SYT1: variants seen among roughly 807,000 people sequenced by gnomAD.
The protein encoded by SYT1 is synaptotagmin 1.
A neutral mutation model predicts 44.8 loss-of-function variants in SYT1; 8 were observed. The ratio of observed to expected loss-of-function variants is 0.18; its 90% CI spans 0.10 to 0.32. The LOEUF is 0.32. Ranked by LOEUF, SYT1 falls within the 10% of genes least tolerant of loss-of-function variation. SYT1 has a pLI of 1.00. For synonymous variants in SYT1, 154 were observed against 188.8 expected (o/e 0.82, Z 1.51); for missense variants, 286 against 509.3 (o/e 0.56, Z 4.22).
intron 3 of SYT1, among the ~76,000 whole-genome samples, chr12:79,183,036 A>C (rs76251455): frequency 0.013 from 1,942 of 152,212 alleles, 32 homozygotes; most frequent in Middle Eastern, 0.044. Context: ...GAATTTAAGA[A>C]ATATTTCATC....
chr12:79,008,217 G>A (rs999843608), intron 2 of SYT1, among the ~76,000 whole-genome samples: 1 of 151,982 alleles, frequency 6.6e-6, no homozygotes, highest in Non-Finnish European at 1.5e-5. Context: ...ATATCTGAAG[G>A]AAGAGGGCTC....
chr12:79,039,253 CAACT>C (rs1873350332), intron 2 of SYT1, among the ~76,000 whole-genome samples: 1 of 151,946 alleles, frequency 6.6e-6, no homozygotes, highest in African/African-American at 2.4e-5. Flanking sequence ...TCAGCTTTAC[CAACT>C]ATGAATGTAT....
At chr12:79,207,410 A>T (rs1019917885) in intron 3 of SYT1, among the ~76,000 whole-genome samples, 5 of 152,208 alleles carry the variant, frequency 3.3e-5, no homozygotes, top group Admixed American at 3.3e-4. Flanking sequence ...TGTACAGGAC[A>T]TGCAGCTTTG....
At chr12:78,866,809 A>G (rs181370871) in intron 1 of SYT1, among the ~76,000 whole-genome samples, 61 of 152,258 alleles carry the variant, frequency 4.0e-4, no homozygotes, top group Non-Finnish European at 7.8e-4. Context: ...GATATAAGAA[A>G]AGAGAATCTT....
intron 3 of SYT1, among the ~76,000 whole-genome samples, chr12:79,085,319 A>C (rs1187558580): frequency 6.6e-6 from 1 of 152,166 alleles, no homozygotes; most frequent in African/African-American, 2.4e-5. Flanking sequence ...GTCTGTGCTC[A>C]AACAGTTTCA....
At chr12:79,115,963 C>T (rs368152362) in intron 3 of SYT1, among the ~76,000 whole-genome samples, 1 of 152,150 alleles carries the variant, frequency 6.6e-6, no homozygotes, top group Non-Finnish European at 1.5e-5. Context: ...CTATAATGAG[C>T]AAACAGAGTA....
At chr12:79,097,538 T>C (rs1242000075) in intron 3 of SYT1, among the ~76,000 whole-genome samples, 2 of 151,962 alleles carry the variant, frequency 1.3e-5, no homozygotes, top group Non-Finnish European at 2.9e-5. Flanking sequence ...GTTTCCCTTT[T>C]CTTATGACTC....
intron 8 of SYT1, among the ~76,000 whole-genome samples, chr12:79,331,987 T>C (rs1486271784): frequency 6.6e-6 from 1 of 152,142 alleles, no homozygotes; most frequent in Admixed American, 6.5e-5. Flanking sequence ...CCATCACAAA[T>C]AAGGAGGAAA....
intron 9 of SYT1, among the ~76,000 whole-genome samples, chr12:79,429,036 T>G (rs1219887275): frequency 6.6e-6 from 1 of 152,044 alleles, no homozygotes; most frequent in Non-Finnish European, 1.5e-5. Context: ...GAGCAAGAAC[T>G]CACTCATTAC....
At chr12:79,367,120 T>G (rs1883582847) in intron 9 of SYT1, among the ~76,000 whole-genome samples, 1 of 152,188 alleles carries the variant, frequency 6.6e-6, no homozygotes, top group Admixed American at 6.5e-5. Flanking sequence ...ATCTTCAGTT[T>G]GTTAAGCTAT....
chr12:79,340,873 A>G (rs1882340415), intron 8 of SYT1, among the ~76,000 whole-genome samples: 1 of 152,190 alleles, frequency 6.6e-6, no homozygotes, highest in Non-Finnish European at 1.5e-5. Flanking sequence ...TTTGGAATTC[A>G]CTTTTCCCTA....
intron 4 of SYT1, 105 bp from the exon 5 acceptor site, chr12:79,285,669 GCATAACAGGTGCT>G (rs1879273243): frequency 1.4e-6 from 1 of 692,614 alleles, no homozygotes; most frequent in African/African-American, 1.8e-5. Flanking sequence ...TGTACCTGCA[GCATAACAGGTGCT>G]CAAAAATGCA....
chr12:78,985,842 C>T (rs1490808970), intron 2 of SYT1, among the ~76,000 whole-genome samples: 1 of 151,932 alleles, frequency 6.6e-6, no homozygotes, highest in South Asian at 2.1e-4. Context: ...GAAGCAATTT[C>T]AAACGGTATT....
chr12:79,367,838 G>A lies in SYT1; in HGVS notation c.928+14219G>A, dbSNP rs1220920513. On this transcript the variant is annotated intron_variant, in intron 9 of 10. Transcript: ENST00000261205. Reference sequence around the variant, plus strand: ...AGTTAAAACATATACTAAGAACCTAGGTAAGAAATGTGAAAAAAAAATATT... The same window carrying A: ...AGTTAAAACATATACTAAGAACCTAAGTAAGAAATGTGAAAAAAAAATATT... 2.0e-5 allele frequency among the ~76,000 whole-genome samples: 3 copies of A among 151,570 alleles called. No homozygotes were observed. The East Asian group carries it at 5.8e-4, about 29-fold the overall frequency.
At chr12:78,909,593 T>G (rs1465636757) in intron 1 of SYT1, among the ~76,000 whole-genome samples, 2 of 151,950 alleles carry the variant, frequency 1.3e-5, no homozygotes, top group East Asian at 3.9e-4. Flanking sequence ...TGGTTAAATT[T>G]TGGTCCTCTT....
intron 4 of SYT1, among the ~76,000 whole-genome samples, chr12:79,281,634 A>T (rs1879058426): frequency 6.6e-6 from 1 of 152,180 alleles, no homozygotes; most frequent in Non-Finnish European, 1.5e-5. Flanking sequence ...TATACAATTC[A>T]TCCATTTAAC....
At chr12:78,911,199 T>C (rs1876302323) in intron 1 of SYT1, among the ~76,000 whole-genome samples, 1 of 152,042 alleles carries the variant, frequency 6.6e-6, no homozygotes, top group Non-Finnish European at 1.5e-5. Flanking sequence ...ACTAGACGGA[T>C]GTGGGTGTTA....
At chr12:78,900,816 CATGAAT>C (rs1210498421) in intron 1 of SYT1, among the ~76,000 whole-genome samples, 1 of 152,078 alleles carries the variant, frequency 6.6e-6, no homozygotes, top group African/African-American at 2.4e-5. Flanking sequence ...TTTATAGTTA[CATGAAT>C]TTGGATTCCT....
chr12:78,938,611 C>T (rs1237268102), intron 1 of SYT1, among the ~76,000 whole-genome samples: 1 of 152,122 alleles, frequency 6.6e-6, no homozygotes, highest in African/African-American at 2.4e-5. Flanking sequence ...GCATGCCAAG[C>T]ATACTAAATT....
Sources: gnomAD v4.1 joint callset for allele counts (sites outside exome capture counted in the v4.1 genomes callset) on GRCh38, gnomAD v4.1.1 for gene constraint, MANE v1.5 for transcripts, NCBI Gene and HGNC (gene_info 2026-07-23, HGNC 2026-07-21) for gene names.